The following CCDC83 variants were observed in gnomAD, a reference collection of about 807,000 sequenced individuals.
CCDC83 encodes coiled-coil domain containing 83.
CCDC83 carries 54 observed loss-of-function variants against 50.1 expected under a neutral mutation model. That is an observed-to-expected ratio of 1.08 (90% CI 0.87 to 1.35). CCDC83 has a LOEUF of 1.35. Ranked by LOEUF, CCDC83 falls within the 40% of genes most tolerant of loss-of-function variation. The probability of loss-of-function intolerance (pLI) is 0.00; values close to 1 mark genes in which losing one functional copy is unlikely to be tolerated. For missense variants in CCDC83, 518 were observed against 473.9 expected (o/e 1.09, Z -0.86); for synonymous variants, 161 against 153.3 (o/e 1.05, Z -0.37).
chr11:85,884,244 G>A (rs2093315663), intron 4 of CCDC83, among the ~76,000 whole-genome samples: 2 of 152,190 alleles, frequency 1.3e-5, no homozygotes. Context: ...TGGAGGAAGA[G>A]AGGGAAAGTA....
chr11:85,894,236 C>T (rs1181883701), intron 5 of CCDC83, among the ~76,000 whole-genome samples: 2 of 152,124 alleles, frequency 1.3e-5, no homozygotes, highest in Non-Finnish European at 2.9e-5. Flanking sequence ...TAGTACAATA[C>T]TGTTGTTTAG....
At chr11:85,919,303 T>C (rs1314012344) in intron 10 of CCDC83, 46 bp from the exon 11 acceptor site, 5 of 1,523,896 alleles carry the variant, frequency 3.3e-6, no homozygotes, top group East Asian at 4.6e-5. Flanking sequence ...AGCTGGTAAT[T>C]TGCTGAATCA....
chr11:85,873,974 T>C (rs1224728375), intron 3 of CCDC83, among the ~76,000 whole-genome samples: 2 of 152,212 alleles, frequency 1.3e-5, no homozygotes, highest in African/African-American at 2.4e-5. Context: ...TTTTGGCTTC[T>C]GTCTAAAAAG....
chr11:85,883,516 C>G (rs1261841884), intron 4 of CCDC83, among the ~76,000 whole-genome samples: 1 of 151,954 alleles, frequency 6.6e-6, no homozygotes, highest in Non-Finnish European at 1.5e-5. Context: ...AATGAAAGAC[C>G]CAGGGCATAC....
At chr11:85,905,970 A>AG (rs2093424030) in intron 7 of CCDC83, among the ~76,000 whole-genome samples, 1 of 110,348 alleles carries the variant, frequency 9.1e-6, no homozygotes, top group African/African-American at 4.2e-5. Flanking sequence ...ACTCCGTCTC[A>AG]AAAAAAAAAA....
rs574611049 is a variant in CCDC83, at chr11:85,885,549, G to T, written c.344-651G>T. Among the ~76,000 whole-genome samples the T allele has an allele frequency of 5.3e-5, 8 of 152,298 alleles. No individual in the cohort carries two copies. In the East Asian group the frequency reaches 1.3e-3, roughly 26 times the overall value. On this transcript the variant is annotated intron_variant, in intron 4 of 10. Transcript: ENST00000342404. ...TGATATTCGGCCTAAAGATTGAATA[G>T]AATATCATGTTTAGCAAACAAAGTT...
intron 6 of CCDC83, among the ~76,000 whole-genome samples, chr11:85,896,623 A>ACTTT (rs1258198551): frequency 3.9e-5 from 6 of 152,246 alleles, no homozygotes; most frequent in Admixed American, 3.9e-4. Flanking sequence ...TCCAAAAAGT[A>ACTTT]CTTTCTTATA....
At chr11:85,897,679 A>G (rs1313795414) in intron 6 of CCDC83, among the ~76,000 whole-genome samples, 2 of 152,220 alleles carry the variant, frequency 1.3e-5, no homozygotes, top group Non-Finnish European at 2.9e-5. Flanking sequence ...CCATTAGCCA[A>G]TTAACTTCAG....
At chr11:85,866,664 AAC>A (rs111616519) in intron 2 of CCDC83, among the ~76,000 whole-genome samples, 21,269 of 148,390 alleles carry the variant, frequency 0.14, 1,799 homozygotes, top group Middle Eastern at 0.2. Context: ...AAAAAAACAA[AAC>A]AAAAAAAAAA....
intron 7 of CCDC83, among the ~76,000 whole-genome samples, chr11:85,905,241 G>C (rs111251000): frequency 0.015 from 2,299 of 151,890 alleles, 66 homozygotes; most frequent in African/African-American, 0.052. Context: ...TCAAGAGTTC[G>C]AGACCAGCCT....
At chr11:85,913,077 AC>A (rs2093462297) in intron 8 of CCDC83, among the ~76,000 whole-genome samples, 1 of 152,174 alleles carries the variant, frequency 6.6e-6, no homozygotes, top group East Asian at 1.9e-4. Flanking sequence ...TGTAAAATCC[AC>A]ACTGTTCATC....
intron 7 of CCDC83, among the ~76,000 whole-genome samples, chr11:85,905,452 A>G (rs2093420937): frequency 6.6e-6 from 1 of 151,006 alleles, no homozygotes; most frequent in Non-Finnish European, 1.5e-5. Context: ...CAAAAAAAAA[A>G]AAAAAAAATT....
intron 5 of CCDC83, among the ~76,000 whole-genome samples, chr11:85,886,785 T>C (rs1013884457): frequency 2.0e-5 from 3 of 152,174 alleles, no homozygotes; most frequent in African/African-American, 7.2e-5. Context: ...TGGTGGCTCA[T>C]GCCTGTAGCC....
intron 1 of CCDC83, among the ~76,000 whole-genome samples, chr11:85,861,045 C>T (rs2153681739): frequency 6.6e-6 from 1 of 152,006 alleles, no homozygotes; most frequent in Non-Finnish European, 1.5e-5. Flanking sequence ...TTATTTATCA[C>T]TAGTTAGGAC....
chr11:85,912,511 G>GGCTGAATGAGGATTGATT (rs2093459139), intron 8 of CCDC83: 1 of 675,440 alleles, frequency 1.5e-6, no homozygotes. Flanking sequence ...GATGAGGTGA[G>GGCTGAATGAGGATTGATT]GCTGAATGAG....
chr11:85,882,756 T>C, intron 4 of CCDC83, 81 bp downstream of exon 4: 3 of 1,295,098 alleles, frequency 2.3e-6, no homozygotes, highest in Non-Finnish European at 1.1e-6. Flanking sequence ...TCTTCCAATA[T>C]GTTCAAAATG....
At chr11:85,882,702 A>G (rs779066236) in intron 4 of CCDC83, 27 bp downstream of exon 4, 1 of 1,602,354 alleles carries the variant, frequency 6.2e-7, no homozygotes, top group Non-Finnish European at 8.5e-7. Context: ...GAAAACTATC[A>G]TAGAGTTGTG....
intron 10 of CCDC83, chr11:85,917,885 A>G (rs1043267257): frequency 6.6e-6 from 1 of 152,140 alleles, no homozygotes; most frequent in Non-Finnish European, 1.5e-5. Context: ...ATAGCATACC[A>G]TTTGGTTGAA....
intron 1 of CCDC83, among the ~76,000 whole-genome samples, chr11:85,862,923 G>T (rs1347019710): frequency 6.6e-6 from 1 of 152,196 alleles, no homozygotes; most frequent in Non-Finnish European, 1.5e-5. Flanking sequence ...TAAAGCATTT[G>T]TGCTTTAATG....
Sources: gnomAD v4.1 joint callset for allele counts (sites outside exome capture counted in the v4.1 genomes callset) on GRCh38, gnomAD v4.1.1 for gene constraint, MANE v1.5 for transcripts, NCBI Gene and HGNC (gene_info 2026-07-23, HGNC 2026-07-21) for gene names.